Variants in KTN1 observed in about 807,000 individuals in gnomAD.
KTN1 encodes kinectin 1, also known as kinectin.
Under a neutral mutation model 222.5 loss-of-function variants are expected in KTN1, and 130 were observed. The ratio of observed to expected loss-of-function variants is 0.58; its 90% CI spans 0.51 to 0.68. The LOEUF (loss-of-function observed/expected upper bound fraction) is 0.68, where lower values mean the gene tolerates loss of function less well. KTN1 is among the 30% of genes least tolerant of loss of function. The pLI is 0.00. For missense variants in KTN1, 1,508 were observed against 1,500.4 expected, an observed-to-expected ratio of 1.01 and a Z score of -0.08; for synonymous variants, 512 against 496.3, an observed-to-expected ratio of 1.03 and a Z score of -0.42.
chr14:55,672,663 C>A lies in KTN1; in HGVS notation c.3565C>A (p.Leu1189Ile). 1 of 1,607,346 alleles carries A rather than the reference C, an allele frequency of 6.2e-7. No homozygotes were observed. The highest frequency in any genetic ancestry group is 8.5e-7 in the Non-Finnish European group (1 of 1,174,438). The change falls in exon 38 of 44, where the codon CTA becomes ATA. Residue 1189 changes from leucine to isoleucine, a missense_variant. Physicochemically the swap from Leu to Ile is conservative, Grantham distance 5 (BLOSUM62 2). Coordinates refer to ENST00000395314, the MANE Select transcript of KTN1 (RefSeq NM_001079521.2). The stretch of plus-strand genomic sequence containing the variant: ...ATCATTTACATCTTCAGAACAAGAG[C>A]TAGAGCGATTAAGAAGCGAAAATAA... The part of the protein sequence containing the change: ...QSSFTSSEQE[L>I]ERLRSENKDI...
chr14:55,588,924 G>C (rs1566653652), intron 1 of KTN1, among the ~76,000 whole-genome samples: 1 of 151,440 alleles, frequency 6.6e-6, no homozygotes, highest in Non-Finnish European at 1.5e-5. Flanking sequence ...GTTTCCCTGT[G>C]AGTTTTTTTC....
intron 2 of KTN1, among the ~76,000 whole-genome samples, chr14:55,615,434 A>G (rs948893956): frequency 6.6e-6 from 1 of 151,258 alleles, no homozygotes; most frequent in Admixed American, 6.6e-5. Context: ...GTCTTTATGA[A>G]TTTGACTACT....
In KTN1 at chr14:55,609,206, T is replaced by A. The variant is rs559550635; in HGVS notation, c.-30-2813T>A. ...TGTTGTTCCCCTCTCTGTGTCCATATGTTCTCAGTGTTCCACTCCGACTTA... is the reference window on the plus strand; with the variant it reads ...TGTTGTTCCCCTCTCTGTGTCCATAAGTTCTCAGTGTTCCACTCCGACTTA... On this transcript the variant is annotated intron_variant, in intron 1 of 43. Coordinates refer to ENST00000395314, the MANE Select transcript of KTN1 (RefSeq NM_001079521.2). 1.6e-4 allele frequency among the ~76,000 whole-genome samples: 24 copies of A among 152,278 alleles called. 1 individual carries two copies. The South Asian group carries it at 4.8e-3, about 30-fold the overall frequency.
chr14:55,580,734 A>T (rs1207197674), intron 1 of KTN1, among the ~76,000 whole-genome samples: 1 of 152,026 alleles, frequency 6.6e-6, no homozygotes, highest in Non-Finnish European at 1.5e-5. Context: ...ACCTATTTTT[A>T]GCCAAGCCTG....
intron 27 of KTN1, 23 bp downstream of exon 27, chr14:55,653,108 A>C (rs756337468): frequency 1.5e-6 from 2 of 1,362,864 alleles, no homozygotes; most frequent in Non-Finnish European, 1.0e-6. Context: ...CAAATTACCA[A>C]CATGTTACAT....
At chr14:55,675,729 C>A (rs899905583) in intron 40 of KTN1, 106 bp from the exon 41 acceptor site, 4 of 712,552 alleles carry the variant, frequency 5.6e-6, no homozygotes, top group Non-Finnish European at 4.9e-6. Flanking sequence ...ATCCACTGTA[C>A]ATAATAACTG....
chr14:55,617,880 C>A, intron 3 of KTN1, 84 bp from the exon 4 acceptor site: 2 of 1,001,664 alleles, frequency 2.0e-6, no homozygotes, highest in Non-Finnish European at 2.9e-6. Context: ...AAAAGAACTG[C>A]ATTTATCATT....
At chr14:55,650,796 C>T (rs1365555538) in intron 24 of KTN1, among the ~76,000 whole-genome samples, 159 bp downstream of exon 24, 1 of 151,912 alleles carries the variant, frequency 6.6e-6, no homozygotes, top group Non-Finnish European at 1.5e-5. Context: ...AGAAAGTATT[C>T]TTGATATTTT....
At chr14:55,614,357 T>A (rs1160153527) in intron 2 of KTN1, among the ~76,000 whole-genome samples, 5 of 152,186 alleles carry the variant, frequency 3.3e-5, no homozygotes, top group Admixed American at 3.3e-4. Flanking sequence ...AGGCCTGAAC[T>A]ATGGTAGTGA....
chr14:55,590,547 T>C (rs2033920508), intron 1 of KTN1, among the ~76,000 whole-genome samples: 1 of 152,198 alleles, frequency 6.6e-6, no homozygotes, highest in Non-Finnish European at 1.5e-5. Context: ...CCTTTGCTTT[T>C]CTTTTAGTTT....
chr14:55,663,484 T>C (rs947971019), intron 32 of KTN1: 2 of 162,896 alleles, frequency 1.2e-5, no homozygotes, highest in African/African-American at 4.8e-5. Context: ...TAGGTAGATT[T>C]GAAACATGTT....
chr14:55,587,265 C>T (rs149826035), intron 1 of KTN1, among the ~76,000 whole-genome samples: 97 of 152,110 alleles, frequency 6.4e-4, no homozygotes, highest in African/African-American at 2.2e-3. Context: ...TTTGGTATGC[C>T]ATATAAAGTG....
At chr14:55,639,812 A>G (rs1005351145) in intron 13 of KTN1, 101 bp from the exon 14 acceptor site, 42 of 730,494 alleles carry the variant, frequency 5.7e-5, no homozygotes, top group Non-Finnish European at 9.6e-5. Context: ...AAGGTATATG[A>G]GAACTACTGA....
intron 2 of KTN1, among the ~76,000 whole-genome samples, chr14:55,615,911 C>G (rs531346053): frequency 7.3e-6 from 1 of 137,304 alleles, no homozygotes; most frequent in African/African-American, 2.8e-5. Flanking sequence ...TCTTTTCTTT[C>G]TTCTTTCTTT....
At chr14:55,657,397 G>GTTTTTTTTTTTTGTTTTT (rs1555383525) in intron 29 of KTN1, among the ~76,000 whole-genome samples, 9 of 137,672 alleles carry the variant, frequency 6.5e-5, no homozygotes, top group South Asian at 2.3e-4. Context: ...CTGAGTTGAC[G>GTTTTTTTTTTTTGTTTTT]TTTTTTTTTT....
At chr14:55,630,122 A>T (rs768749987) in intron 7 of KTN1, 25 bp downstream of exon 7, 1 of 1,603,330 alleles carries the variant, frequency 6.2e-7, no homozygotes, top group South Asian at 1.1e-5. Flanking sequence ...TTTGGAAACA[A>T]GATGAAATGG....
chr14:55,625,327 ATT>A (rs891377085), intron 5 of KTN1, among the ~76,000 whole-genome samples: 1 of 152,164 alleles, frequency 6.6e-6, no homozygotes, highest in Non-Finnish European at 1.5e-5. Context: ...TTAATTATTA[ATT>A]TTTTATCATT....
chr14:55,635,927 C>T (rs1273886591), intron 9 of KTN1, among the ~76,000 whole-genome samples: 1 of 151,912 alleles, frequency 6.6e-6, no homozygotes, highest in Non-Finnish European at 1.5e-5. Context: ...TAATATTGAT[C>T]TTGCTGGTGG....
chr14:55,637,488 CTT>C, intron 11 of KTN1, 124 bp downstream of exon 11: 1 of 784,566 alleles, frequency 1.3e-6, no homozygotes, highest in African/African-American at 1.8e-5. Flanking sequence ...ATAATTATAA[CTT>C]TGTCTTTTGA....
Sources: gnomAD v4.1 joint callset for allele counts (sites outside exome capture counted in the v4.1 genomes callset) on GRCh38, gnomAD v4.1.1 for gene constraint, MANE v1.5 for transcripts, NCBI Gene and HGNC (gene_info 2026-07-23, HGNC 2026-07-21) for gene names.